The following RARB variants were observed in gnomAD, a reference collection of about 807,000 sequenced individuals.
The protein encoded by RARB is retinoic acid receptor beta, also known as HBV-activated protein.
RARB carries 17 observed loss-of-function variants against 51.9 expected under a neutral mutation model. The ratio of observed to expected loss-of-function variants is 0.33; its 90% CI spans 0.22 to 0.49. The LOEUF is 0.49. Among genes scored for constraint, RARB ranks in the 20% least tolerant of loss-of-function variants. The pLI, the probability that RARB is intolerant of heterozygous loss-of-function variation, is 0.99. For missense variants in RARB, 369 were observed against 550.8 expected, an observed-to-expected ratio of 0.67 and a Z score of 3.30; for synonymous variants, 215 against 195.4, an observed-to-expected ratio of 1.10 and a Z score of -0.84.
At chr3:25,156,773 C>T (rs1371255369) in intron 4 of RARB, among the ~76,000 whole-genome samples, 1 of 152,030 alleles carries the variant, frequency 6.6e-6, no homozygotes, top group African/African-American at 2.4e-5. Flanking sequence ...TTATTTTTTT[C>T]CCTCCTGAAA....
At chr3:25,245,132 G>GT (rs200254347) in intron 5 of RARB, among the ~76,000 whole-genome samples, 4,606 of 151,574 alleles carry the variant, frequency 0.03, 98 homozygotes, top group Middle Eastern at 0.051. Flanking sequence ...TGCAACTCCT[G>GT]TTTTTTTTGC....
At chr3:25,233,815 T>C (rs767714070) in intron 5 of RARB, among the ~76,000 whole-genome samples, 35 of 151,906 alleles carry the variant, frequency 2.3e-4, no homozygotes, top group South Asian at 1.4e-3. Flanking sequence ...TCTAATAGTT[T>C]TTCTATATCT....
intron 5 of RARB, among the ~76,000 whole-genome samples, chr3:25,412,108 A>C (rs372310191): frequency 4.6e-5 from 7 of 152,236 alleles, no homozygotes; most frequent in African/African-American, 1.7e-4. Flanking sequence ...CAAATTATCT[A>C]ATGGCTCTTG....
intron 2 of RARB, among the ~76,000 whole-genome samples, chr3:24,971,115 G>T (rs912005100): frequency 1.4e-4 from 21 of 151,908 alleles, no homozygotes; most frequent in African/African-American, 5.1e-4. Context: ...CCTAACAGGT[G>T]AGATCATATA....
chr3:25,250,503 G>A lies in RARB; in HGVS notation c.178+75928G>A, dbSNP rs571909237. ...GGTCTCAGTTGGTGGCTTCGGGCAG[G>A]ATAGCATCTCATGGCACTTGTAGAT... On this transcript the variant is annotated intron_variant, in intron 5 of 11. Coordinates refer to the RARB transcript ENST00000383772. 2.6e-5 allele frequency among the ~76,000 whole-genome samples: 4 copies of A among 152,272 alleles called. No individual in the cohort carries two copies. The South Asian group carries it at 8.3e-4, about 32-fold the overall frequency.
At chr3:25,372,257 C>T (rs899854427) in intron 5 of RARB, among the ~76,000 whole-genome samples, 3 of 152,168 alleles carry the variant, frequency 2.0e-5, no homozygotes, top group Non-Finnish European at 4.4e-5. Flanking sequence ...TGCTGTGAGG[C>T]CTGTCCTATG....
chr3:25,054,465 G>C (rs1274022184), intron 2 of RARB, among the ~76,000 whole-genome samples: 1 of 152,142 alleles, frequency 6.6e-6, no homozygotes, highest in Non-Finnish European at 1.5e-5. Flanking sequence ...GAGAGCTGTG[G>C]AGATGGTGGT....
intron 5 of RARB, among the ~76,000 whole-genome samples, chr3:25,334,239 T>C (rs1704993033): frequency 6.6e-6 from 1 of 152,196 alleles, no homozygotes; most frequent in Admixed American, 6.5e-5. Context: ...GTATGTTTAT[T>C]GCAGCACTAT....
At chr3:25,284,741 G>A (rs1363481811) in intron 5 of RARB, among the ~76,000 whole-genome samples, 1 of 152,166 alleles carries the variant, frequency 6.6e-6, no homozygotes, top group Non-Finnish European at 1.5e-5. Context: ...AACAACATGA[G>A]TTTGAACTGC....
intron 3 of RARB, among the ~76,000 whole-genome samples, chr3:25,066,592 C>A (rs1392423361): frequency 2.1e-5 from 3 of 146,192 alleles, no homozygotes; most frequent in Non-Finnish European, 3.0e-5. Flanking sequence ...CATATGTGCA[C>A]ACGCACACAT....
At chr3:25,243,901 G>C (rs1702491032) in intron 5 of RARB, among the ~76,000 whole-genome samples, 1 of 152,090 alleles carries the variant, frequency 6.6e-6, no homozygotes, top group Non-Finnish European at 1.5e-5. Flanking sequence ...GCTCCTCTTT[G>C]TACCTCTGGT....
At chr3:25,088,685 T>C (rs893608689) in intron 3 of RARB, among the ~76,000 whole-genome samples, 2 of 152,154 alleles carry the variant, frequency 1.3e-5, no homozygotes, top group African/African-American at 2.4e-5. Flanking sequence ...AATGTATTCA[T>C]TGTGAGGCAT....
intron 4 of RARB, among the ~76,000 whole-genome samples, chr3:25,142,809 CGGGCTCTGTGGTCA>C (rs141526745): frequency 0.082 from 12,479 of 152,142 alleles, 653 homozygotes; most frequent in Non-Finnish European, 0.12. Context: ...AGTTTTACCT[CGGGCTCTGTGGTCA>C]AGATGCGGGA....
At chr3:25,062,215 C>T (rs765070168) in intron 3 of RARB, among the ~76,000 whole-genome samples, 51 of 151,580 alleles carry the variant, frequency 3.4e-4, no homozygotes, top group Admixed American at 1.4e-3. Flanking sequence ...GAAATAGCGA[C>T]GGCCAGTAAA....
At chr3:24,954,127 A>G (rs1009909691) in intron 2 of RARB, among the ~76,000 whole-genome samples, 1 of 151,360 alleles carries the variant, frequency 6.6e-6, no homozygotes, top group Non-Finnish European at 1.5e-5. Flanking sequence ...TGCTCTTTTT[A>G]TGGGTACCTC....
intron 2 of RARB, among the ~76,000 whole-genome samples, chr3:25,482,505 A>G (rs1040729397): frequency 6.8e-6 from 1 of 146,246 alleles, no homozygotes; most frequent in African/African-American, 2.6e-5. Flanking sequence ...GTAACTTTAA[A>G]TTTTCTAGCA....
At chr3:25,331,286 C>T (rs1704887114) in intron 5 of RARB, among the ~76,000 whole-genome samples, 1 of 152,088 alleles carries the variant, frequency 6.6e-6, no homozygotes, top group African/African-American at 2.4e-5. Flanking sequence ...GAAAGCACTC[C>T]TCAGAAAATA....
intron 3 of RARB, among the ~76,000 whole-genome samples, chr3:25,122,898 T>G (rs1015299246): frequency 4.6e-5 from 7 of 152,274 alleles, no homozygotes; most frequent in African/African-American, 7.2e-5. Context: ...CTAAATCCTT[T>G]CCATCGGGTC....
chr3:25,228,024 A>T (rs555155267), intron 5 of RARB, among the ~76,000 whole-genome samples: 1 of 152,146 alleles, frequency 6.6e-6, no homozygotes, highest in African/African-American at 2.4e-5. Context: ...TGAGTTTTAT[A>T]TCTTGCAGGT....
Sources: gnomAD v4.1 joint callset for allele counts (sites outside exome capture counted in the v4.1 genomes callset) on GRCh38, gnomAD v4.1.1 for gene constraint, MANE v1.5 for transcripts, NCBI Gene and HGNC (gene_info 2026-07-23, HGNC 2026-07-21) for gene names.